Variants in SAMD5 observed in about 807,000 individuals in gnomAD.
The protein encoded by SAMD5 is sterile alpha motif domain-containing protein 5.
Under a neutral mutation model 11.3 loss-of-function variants are expected in SAMD5, and 13 were observed. The observed-to-expected ratio is 1.15, with a 90% CI of 0.75 to 1.83. The LOEUF (loss-of-function observed/expected upper bound fraction) is 1.83, where lower values mean the gene tolerates loss of function less well. Ranked by LOEUF, SAMD5 falls within the 40% of genes most tolerant of loss-of-function variation. The pLI is 0.00. For missense variants in SAMD5, 255 were observed against 239.1 expected, an observed-to-expected ratio of 1.07 and a Z score of -0.44; for synonymous variants, 129 against 111.3, an observed-to-expected ratio of 1.16 and a Z score of -1.00.
chr6:147,744,717 G>A, the SAMD5 span, among the ~76,000 whole-genome samples: 4 of 152,100 alleles, frequency 2.6e-5, no homozygotes, highest in African/African-American at 9.7e-5. Context: ...GGCCAACATG[G>A]TGAAAACCTG....
At chr6:147,590,903 T>C (rs74939036) in intron 1 of SAMD5, among the ~76,000 whole-genome samples, 5,349 of 152,270 alleles carry the variant, frequency 0.035, 131 homozygotes, top group Middle Eastern at 0.075. Flanking sequence ...TAAAATGTGG[T>C]CAAGGACTTA....
At chr6:147,756,797 AT>A in the SAMD5 span, among the ~76,000 whole-genome samples, 5 of 152,202 alleles carry the variant, frequency 3.3e-5, no homozygotes, top group Non-Finnish European at 5.9e-5. Context: ...TGTTTTCACC[AT>A]TTTTATGAAT....
At chr6:147,824,822 A>G in the SAMD5 span, among the ~76,000 whole-genome samples, 1 of 152,168 alleles carries the variant, frequency 6.6e-6, no homozygotes, top group South Asian at 2.1e-4. Flanking sequence ...TCATTCATTC[A>G]TTCCTTCATT....
the SAMD5 span, among the ~76,000 whole-genome samples, chr6:147,901,496 C>T: frequency 1.3e-5 from 2 of 152,174 alleles, no homozygotes; most frequent in East Asian, 3.8e-4. Flanking sequence ...TGTTAAAAGA[C>T]TATGTGCCCT....
chr6:147,771,490 CT>C, the SAMD5 span, among the ~76,000 whole-genome samples: 1 of 152,146 alleles, frequency 6.6e-6, no homozygotes, highest in East Asian at 1.9e-4. Context: ...TCCTCTGTCT[CT>C]TCTTTTCTCC....
the SAMD5 span, among the ~76,000 whole-genome samples, chr6:147,819,368 A>T: frequency 6.6e-6 from 1 of 152,162 alleles, no homozygotes; most frequent in Non-Finnish European, 1.5e-5. Context: ...GAGAAAAGAA[A>T]CAACTGTTGG....
intron 1 of SAMD5, among the ~76,000 whole-genome samples, chr6:147,659,688 G>C (rs775508516): frequency 1.3e-5 from 2 of 152,198 alleles, no homozygotes; most frequent in Non-Finnish European, 2.9e-5. Flanking sequence ...AATGAGAGAA[G>C]TAGTGGCTAA....
At chr6:147,833,413 G>A in the SAMD5 span, among the ~76,000 whole-genome samples, 36 of 152,278 alleles carry the variant, frequency 2.4e-4, no homozygotes, top group African/African-American at 8.7e-4. Context: ...CTAAGATTGT[G>A]TATTTCAGAC....
chr6:147,650,153 T>C (rs1790463776), intron 1 of SAMD5, among the ~76,000 whole-genome samples: 1 of 152,190 alleles, frequency 6.6e-6, no homozygotes, highest in Admixed American at 6.5e-5. Context: ...TACGCATTCA[T>C]TGAACATTTA....
At chr6:147,535,227 G>T (rs1377245579) in intron 1 of SAMD5, among the ~76,000 whole-genome samples, 6 of 152,288 alleles carry the variant, frequency 3.9e-5, no homozygotes, top group Admixed American at 3.9e-4. Context: ...TAACCGCTTT[G>T]TAATTGTGTG....
intron 1 of SAMD5, among the ~76,000 whole-genome samples, chr6:147,685,499 T>A (rs1790996629): frequency 1.3e-5 from 2 of 152,182 alleles, no homozygotes; most frequent in Admixed American, 6.5e-5. Flanking sequence ...AGTCTTTTGC[T>A]GGAGTCGCTT....
intron 1 of SAMD5, among the ~76,000 whole-genome samples, chr6:147,525,671 G>C (rs990243746): frequency 6.6e-6 from 1 of 151,858 alleles, no homozygotes; most frequent in Admixed American, 6.6e-5. Flanking sequence ...TGTGAGCTAT[G>C]GGGGTTGGTT....
At chr6:147,822,417 ATATT>A in the SAMD5 span, among the ~76,000 whole-genome samples, 3 of 152,216 alleles carry the variant, frequency 2.0e-5, no homozygotes, top group Non-Finnish European at 4.4e-5. Context: ...TCAAAATATA[ATATT>A]TATTAAAAAA....
In SAMD5 at chr6:147,538,738, G is replaced by A. The variant is rs192766740; in HGVS notation, c.460-25656G>A. 1.1e-4 allele frequency among the ~76,000 whole-genome samples: 17 copies of A among 152,238 alleles called. No homozygotes were observed. The East Asian group carries it at 2.7e-3, about 24-fold the overall frequency. On this transcript the variant is annotated intron_variant, in intron 1 of 1. Coordinates refer to ENST00000367474, the MANE Select transcript of SAMD5 (RefSeq NM_001030060.3). ...TGACCTTAAAGCATTTAGCAAATCGGATATCTGACCTTCATTTAGACCAAA... is the reference window on the plus strand; with the variant it reads ...TGACCTTAAAGCATTTAGCAAATCGAATATCTGACCTTCATTTAGACCAAA...
intron 1 of SAMD5, among the ~76,000 whole-genome samples, chr6:147,657,323 T>G (rs1438519941): frequency 6.6e-6 from 1 of 152,192 alleles, no homozygotes; most frequent in Non-Finnish European, 1.5e-5. Flanking sequence ...TTAAATGTCC[T>G]GAAGTTGATA....
chr6:147,617,045 T>C (rs921140737), intron 1 of SAMD5, among the ~76,000 whole-genome samples: 1 of 152,158 alleles, frequency 6.6e-6, no homozygotes, highest in African/African-American at 2.4e-5. Context: ...CAAAAGTTTC[T>C]CCTTGGTAAT....
intron 1 of SAMD5, among the ~76,000 whole-genome samples, chr6:147,553,537 C>A (rs548037434): frequency 1.3e-5 from 2 of 152,204 alleles, no homozygotes; most frequent in Non-Finnish European, 2.9e-5. Context: ...ACGCTGGACA[C>A]GATGCCATAA....
At chr6:147,550,511 A>C (rs532613819) in intron 1 of SAMD5, among the ~76,000 whole-genome samples, 2 of 152,372 alleles carry the variant, frequency 1.3e-5, no homozygotes, top group East Asian at 3.9e-4. Flanking sequence ...CTAAGTATCC[A>C]TCAATGGATG....
intron 1 of SAMD5, among the ~76,000 whole-genome samples, chr6:147,695,201 G>T (rs149729259): frequency 2.0e-5 from 3 of 152,284 alleles, no homozygotes; most frequent in Non-Finnish European, 2.9e-5. Flanking sequence ...ACAATGAACA[G>T]AAATTTCTGT....
Sources: allele counts gnomAD v4.1 joint callset (sites outside exome capture counted in the v4.1 genomes callset), GRCh38; gene constraint gnomAD v4.1.1; transcripts MANE v1.5; gene names NCBI Gene and HGNC (gene_info 2026-07-23, HGNC 2026-07-21).